TATDN2: variants seen among roughly 807,000 people sequenced by gnomAD.
TATDN2 encodes the protein TatD DNase domain containing 2.
A neutral mutation model predicts 60.3 loss-of-function variants in TATDN2; 44 were observed. The ratio of observed to expected loss-of-function variants is 0.73; its 90% CI spans 0.57 to 0.94. The LOEUF (loss-of-function observed/expected upper bound fraction) is 0.94, where lower values mean the gene tolerates loss of function less well. Ranked by LOEUF, TATDN2 falls within the 40% of genes least tolerant of loss-of-function variation. The pLI is 0.00. For missense variants in TATDN2, 997 were observed against 948.0 expected (o/e 1.05, Z -0.68); for synonymous variants, 399 against 355.8 (o/e 1.12, Z -1.37).
intron 2 of TATDN2, among the ~76,000 whole-genome samples, chr3:10,256,321 G>A (rs1010655568): frequency 1.3e-5 from 2 of 151,868 alleles, no homozygotes; most frequent in Admixed American, 1.3e-4. Context: ...CTACAGGTGT[G>A]GGTCACTGCA....
chr3:10,260,921 A>T (rs962669846), intron 3 of TATDN2, among the ~76,000 whole-genome samples: 2 of 151,528 alleles, frequency 1.3e-5, no homozygotes, highest in African/African-American at 4.9e-5. Flanking sequence ...GCTGCTGTGT[A>T]AAAGGCCAAA....
Position 10,259,073 on chromosome 3 carries a change from C to T in TATDN2, c.415-1064C>T, listed in dbSNP as rs550413047. Among the ~76,000 whole-genome samples, 309 of 152,192 alleles carry T rather than the reference C, an allele frequency of 2.0e-3. 1 individual carries two copies. The highest frequency in any genetic ancestry group is 7.0e-3 in the African/African-American group (289 of 41,536). ...TTTTAGTAGAGACAGAGTTTTGACA[C>T]CTTGCCCAAGCTGGTCTTGAACTCC... On this transcript the variant is annotated intron_variant, in intron 2 of 7. Transcript: ENST00000448281.
At chr3:10,272,803 G>A (rs1698585485) in intron 4 of TATDN2, among the ~76,000 whole-genome samples, 1 of 152,024 alleles carries the variant, frequency 6.6e-6, no homozygotes, top group Non-Finnish European at 1.5e-5. Flanking sequence ...GGGAGGCCAA[G>A]GCGAGCGGAT....
chr3:10,253,510 A>G (rs568402054), intron 2 of TATDN2, among the ~76,000 whole-genome samples: 2 of 152,296 alleles, frequency 1.3e-5, no homozygotes, highest in East Asian at 1.9e-4. Flanking sequence ...ATGTTAGCTG[A>G]TGATCTTCAT....
intron 2 of TATDN2, among the ~76,000 whole-genome samples, chr3:10,256,442 C>T (rs1698309619): frequency 6.6e-6 from 1 of 151,746 alleles, no homozygotes; most frequent in African/African-American, 2.4e-5. Context: ...TCCCAAAGTG[C>T]TGGAATTGCA....
intron 2 of TATDN2, among the ~76,000 whole-genome samples, chr3:10,250,331 A>G (rs1698202631): frequency 6.6e-6 from 1 of 151,976 alleles, no homozygotes. Flanking sequence ...ATATGTGTTG[A>G]GGGTTTAGTT....
chr3:10,276,468 C>T lies in TATDN2; in HGVS notation c.1941C>T (p.Pro647=). ...TAGAAATCATGAAAAAGTTTGTGCC[C>T]CCTGACTACAAGATCCATAGGTTAG... ...DLLEIMKKFV[P]PDYKIHRHCF... The change falls in exon 5 of 8, where the codon CCC becomes CCT. Residue 647 remains proline (P), a synonymous_variant. Transcript: ENST00000448281. 6.2e-7 allele frequency: 1 copy of T among 1,614,088 alleles called. No homozygotes were observed. The highest frequency in any genetic ancestry group is 8.5e-7 in the Non-Finnish European group (1 of 1,179,990).
chr3:10,258,592 CTGAG>C (rs372223644), intron 2 of TATDN2, among the ~76,000 whole-genome samples: 236 of 152,062 alleles, frequency 1.6e-3, no homozygotes, highest in Middle Eastern at 0.014. Flanking sequence ...CCTCAGCCTC[CTGAG>C]TAAGTGGGAT....
chr3:10,251,973 C>G (rs902756862), intron 2 of TATDN2, among the ~76,000 whole-genome samples: 1 of 151,122 alleles, frequency 6.6e-6, no homozygotes, highest in Non-Finnish European at 1.5e-5. Flanking sequence ...ACGGTGAAAC[C>G]CTTTCTCTAC....
At chr3:10,255,376 G>C (rs796565755) in intron 2 of TATDN2, among the ~76,000 whole-genome samples, 15 of 152,204 alleles carry the variant, frequency 9.9e-5, no homozygotes, top group African/African-American at 3.4e-4. Context: ...ATGTTAGGGA[G>C]AACTTGAGTT....
At chr3:10,272,912 G>T (rs1300695530) in intron 4 of TATDN2, among the ~76,000 whole-genome samples, 1 of 151,694 alleles carries the variant, frequency 6.6e-6, no homozygotes, top group African/African-American at 2.4e-5. Flanking sequence ...GATGGTACAT[G>T]CCTGGGGTCC....
chr3:10,276,524 A>C, intron 5 of TATDN2, 36 bp downstream of exon 5: 2 of 1,604,664 alleles, frequency 1.2e-6, no homozygotes, highest in Non-Finnish European at 1.7e-6. Flanking sequence ...CAAATGAAAG[A>C]AACACTTCCT....
intron 2 of TATDN2, among the ~76,000 whole-genome samples, chr3:10,254,689 G>A (rs1406476767): frequency 6.6e-6 from 1 of 152,184 alleles, no homozygotes; most frequent in African/African-American, 2.4e-5. Context: ...ACAGGGAGCT[G>A]GTGAGGAGCT....
intron 2 of TATDN2, among the ~76,000 whole-genome samples, chr3:10,255,021 C>CCCCCTT (rs1698287123): frequency 1.6e-5 from 2 of 126,644 alleles, no homozygotes; most frequent in African/African-American, 6.1e-5. Context: ...CACTCCCCCT[C>CCCCCTT]CCCCTCCCCC....
In TATDN2 at chr3:10,249,366, A is replaced by T; in HGVS notation, c.166A>T (p.Lys56Ter). 6.2e-7 allele frequency: 1 copy of T among 1,612,898 alleles called. No individual in the cohort carries two copies. Among genetic ancestry groups the T allele is most frequent in the Non-Finnish European group, 8.5e-7 (1 of 1,179,274 alleles). ...AGGGCCCAGCAGCCCCAAGCGCCTG[A>T]AAGCCCAGAAGGAGGACGATGTGGC... ...SGGPSSPKRL[K>*]AQKEDDVACS... The change falls in exon 2 of 8, where the codon AAA (lysine) becomes TAA (stop). Residue 56 changes from lysine (K) to a stop codon, truncating the protein, a stop_gained. Coordinates refer to ENST00000448281, the MANE Select transcript of TATDN2 (RefSeq NM_014760.4). LOFTEE classifies it high-confidence loss of function.
chr3:10,252,564 C>T (rs984594496), intron 2 of TATDN2, among the ~76,000 whole-genome samples: 2 of 152,170 alleles, frequency 1.3e-5, no homozygotes, highest in Non-Finnish European at 2.9e-5. Context: ...CTGTGGTCAT[C>T]TGTGAACTTA....
At position 10,278,916 on chromosome 3, in the gene TATDN2, C is replaced by T. The variant is rs746132612; in HGVS notation, c.2177C>T (p.Pro726Leu). Residue 726 changes from proline to leucine, a missense_variant, in exon 7 of 8, where the codon CCG becomes CTG. Pro to Leu is a moderately conservative substitution (Grantham distance 98). Coordinates refer to ENST00000448281, the MANE Select transcript of TATDN2 (RefSeq NM_014760.4). This position sits in a 1 kb window ranked among gnomAD's most constrained non-coding sequence, Gnocchi z 4.7. Reference sequence around the variant, plus strand: ...AAAAGCCTTTGCCAGTATGCCCACCCGGGCCTGGCCTTGCATACGGTCCGA... The same window carrying T: ...AAAAGCCTTTGCCAGTATGCCCACCTGGGCCTGGCCTTGCATACGGTCCGA... ...VPKSLCQYAH[P>L]GLALHTVREI... 8 of 1,613,244 alleles carry T rather than the reference C, an allele frequency of 5.0e-6. No individual in the cohort carries two copies. The highest frequency in any genetic ancestry group is 1.1e-5 in the South Asian group (1 of 90,944).
At chr3:10,263,351 C>T (rs766408001) in intron 3 of TATDN2, among the ~76,000 whole-genome samples, 1 of 152,010 alleles carries the variant, frequency 6.6e-6, no homozygotes, top group Non-Finnish European at 1.5e-5. Flanking sequence ...GGGAAAAGTT[C>T]GTGAATTACT....
At position 10,276,501 on chromosome 3, in the gene TATDN2, G is replaced by C; in HGVS notation, c.1961+13G>C. 1 of 1,612,550 alleles carries C rather than the reference G, an allele frequency of 6.2e-7. No individual in the cohort carries two copies. Among genetic ancestry groups the C allele is most frequent in the South Asian group, 1.1e-5 (1 of 90,922 alleles). ...ACAAGATCCATAGGTTAGAAGACTGGAACTTCAGCGGGCAAATGAAAGAAA... is the reference window on the plus strand; with the variant it reads ...ACAAGATCCATAGGTTAGAAGACTGCAACTTCAGCGGGCAAATGAAAGAAA... On this transcript the variant is annotated intron_variant, in intron 5 of 7. Transcript: ENST00000448281.
Sources: allele counts gnomAD v4.1 joint callset (sites outside exome capture counted in the v4.1 genomes callset), GRCh38; gene constraint gnomAD v4.1.1; non-coding constraint Gnocchi (gnomAD v3.1); transcripts MANE v1.5; gene names NCBI Gene and HGNC (gene_info 2026-07-23, HGNC 2026-07-21).